The following UGT1A10 variants were observed in gnomAD, a reference collection of about 807,000 sequenced individuals.
UGT1A10 encodes the protein UDP glucuronosyltransferase family 1 member A10, also known as UDP-glucuronosyltransferase 1A10.
A neutral mutation model predicts 45.8 loss-of-function variants in UGT1A10; 49 were observed. The observed-to-expected ratio is 1.07, with a 90% CI of 0.85 to 1.36. The LOEUF (loss-of-function observed/expected upper bound fraction) is 1.36, where lower values mean the gene tolerates loss of function less well. Among genes scored for constraint, UGT1A10 ranks in the 40% most tolerant of loss-of-function variants. The pLI is 0.00. For missense variants in UGT1A10, 745 were observed against 668.6 expected (o/e 1.11, Z -1.26); for synonymous variants, 284 against 249.7 (o/e 1.14, Z -1.29).
intron 1 of UGT1A10, among the ~76,000 whole-genome samples, chr2:233,762,621 C>T (rs1374321731): frequency 6.6e-6 from 1 of 152,118 alleles, no homozygotes; most frequent in Non-Finnish European, 1.5e-5. Context: ...TTGTTGTGAC[C>T]TCAAACACTT....
chr2:233,655,939 A>G (rs996781894), intron 1 of UGT1A10, among the ~76,000 whole-genome samples: 1 of 152,140 alleles, frequency 6.6e-6, no homozygotes, highest in Non-Finnish European at 1.5e-5. Context: ...TTACAGAATT[A>G]TAAGTTTGGA....
intron 1 of UGT1A10, among the ~76,000 whole-genome samples, chr2:233,643,552 G>A (rs1213696712): frequency 2.0e-5 from 3 of 152,104 alleles, no homozygotes; most frequent in Non-Finnish European, 4.4e-5. Flanking sequence ...CCCTGCAGCA[G>A]TGTTGGTACC....
At chr2:233,679,313 C>G (rs1461081979) in intron 1 of UGT1A10, among the ~76,000 whole-genome samples, 1 of 152,196 alleles carries the variant, frequency 6.6e-6, no homozygotes, top group African/African-American at 2.4e-5. Flanking sequence ...TGGAACCAAT[C>G]CAGAAAACGC....
At chr2:233,736,528 A>T (rs895463431) in intron 1 of UGT1A10, among the ~76,000 whole-genome samples, 1 of 152,204 alleles carries the variant, frequency 6.6e-6, no homozygotes, top group African/African-American at 2.4e-5. Context: ...CGTCAAAGTC[A>T]TTCTCTTTCC....
chr2:233,692,922 T>G (rs1238598639), intron 1 of UGT1A10: 1 of 1,573,000 alleles, frequency 6.4e-7, no homozygotes, highest in Non-Finnish European at 8.6e-7. Context: ...AAGCAGTGGT[T>G]AGTTTAGGGA....
chr2:233,672,323 A>G (rs1230942420), intron 1 of UGT1A10: 1 of 1,614,100 alleles, frequency 6.2e-7, no homozygotes, highest in Non-Finnish European at 8.5e-7. Flanking sequence ...TTGTTTAAAG[A>G]CAAAAAATTA....
At chr2:233,717,333 C>A (rs1334785551) in intron 1 of UGT1A10, among the ~76,000 whole-genome samples, 1 of 152,204 alleles carries the variant, frequency 6.6e-6, no homozygotes, top group East Asian at 1.9e-4. Flanking sequence ...CCTCACAAAT[C>A]CCCAGAAATC....
chr2:233,713,467 C>G, intron 1 of UGT1A10: 1 of 1,614,058 alleles, frequency 6.2e-7, no homozygotes, highest in Non-Finnish European at 8.5e-7. Flanking sequence ...CTCTGCGCGG[C>G]GGTGCTGGCT....
At chr2:233,651,789 G>A (rs1454508160) in intron 1 of UGT1A10, among the ~76,000 whole-genome samples, 1 of 152,180 alleles carries the variant, frequency 6.6e-6, no homozygotes, top group Non-Finnish European at 1.5e-5. Context: ...GTGCCTGTGT[G>A]TGTCCACGCG....
chr2:233,729,776 C>T lies in UGT1A10; in HGVS notation c.856-37258C>T, dbSNP rs139850391. The T allele has an allele frequency of 1.9e-4, 310 of 1,613,846 alleles. 1 individual carries two copies. Among genetic ancestry groups the T allele is most frequent in the Non-Finnish European group, 2.3e-4 (267 of 1,179,864 alleles). ...CAAAGGGTCAAGAACATGCTCTACCCTCTGGCCCTGTCCTACATTTGCCAT... is the reference window on the plus strand; with the variant it reads ...CAAAGGGTCAAGAACATGCTCTACCTTCTGGCCCTGTCCTACATTTGCCAT... On this transcript the variant is annotated intron_variant, in intron 1 of 4. Transcript: ENST00000344644.
At chr2:233,684,194 T>C (rs2074666904) in intron 1 of UGT1A10, among the ~76,000 whole-genome samples, 1 of 152,190 alleles carries the variant, frequency 6.6e-6, no homozygotes, top group African/African-American at 2.4e-5. Context: ...AAAGAGTGAC[T>C]GTTCAACCAA....
intron 1 of UGT1A10, chr2:233,753,788 C>T (rs970692260): frequency 7.9e-5 from 12 of 152,166 alleles, no homozygotes; most frequent in Non-Finnish European, 1.8e-4. Context: ...CTTTACATTT[C>T]CAGGACCTAC....
intron 1 of UGT1A10, among the ~76,000 whole-genome samples, chr2:233,716,295 T>C (rs1461759627): frequency 1.3e-5 from 2 of 152,216 alleles, no homozygotes; most frequent in Non-Finnish European, 2.9e-5. Flanking sequence ...ATCACATCTA[T>C]AAAGTCTCTT....
rs143192680 is a variant in UGT1A10, at chr2:233,767,666, C to G, written c.988-183C>G. 1.9e-3 allele frequency among the ~76,000 whole-genome samples: 295 copies of G among 152,308 alleles called. 3 individuals carry two copies. The highest frequency in any genetic ancestry group is 0.013 in the Admixed American group (199 of 15,308). On this transcript the variant is annotated intron_variant, in intron 2 of 4. Coordinates refer to ENST00000344644, the MANE Select transcript of UGT1A10 (RefSeq NM_019075.4). ...TCACGTAGTGCATACACCCTTGTAA[C>G]TAAACCTCCAAAACAAGATGCCGGA...
At chr2:233,730,000 A>G (rs569428615) in intron 1 of UGT1A10, 10 of 1,614,004 alleles carry the variant, frequency 6.2e-6, no homozygotes, top group Admixed American at 3.3e-5. Context: ...TCAGGTCTGT[A>G]TTGGTGCCTT....
intron 1 of UGT1A10, among the ~76,000 whole-genome samples, chr2:233,667,683 A>T (rs951066584): frequency 2.0e-5 from 3 of 152,208 alleles, no homozygotes; most frequent in African/African-American, 7.2e-5. Context: ...ACAAATTTAC[A>T]AGAAAAAATC....
chr2:233,642,166 T>C (rs1321771707), intron 1 of UGT1A10, among the ~76,000 whole-genome samples: 2 of 152,238 alleles, frequency 1.3e-5, no homozygotes, highest in Non-Finnish European at 2.9e-5. Flanking sequence ...GAGGCTATTT[T>C]CTAGATCCTA....
chr2:233,721,816 C>T, intron 1 of UGT1A10: 1 of 516,128 alleles, frequency 1.9e-6, no homozygotes, highest in Non-Finnish European at 3.9e-6. Flanking sequence ...AAATCCAGCA[C>T]CCTATTTGGG....
chr2:233,637,248 T>G lies in UGT1A10; in HGVS notation c.726T>G (p.Tyr242Ter), dbSNP rs750470380. ...TTCTCCAAACCCCTGTCACGGCATATGATCTCTACAGTCACACATCAATTT... is the reference window on the plus strand; with the variant it reads ...TTCTCCAAACCCCTGTCACGGCATAGGATCTCTACAGTCACACATCAATTT... ...SEILQTPVTA[Y>*]DLYSHTSIWL... is the part of the protein sequence containing the mutation. The change falls in exon 1 of 5, where the codon TAT becomes TAG. Residue 242 changes from tyrosine (Y) to a stop codon, truncating the protein, a stop_gained. Transcript: ENST00000344644. LOFTEE classifies it high-confidence loss of function. 12 of 1,613,988 alleles carry G rather than the reference T, an allele frequency of 7.4e-6. No homozygotes were observed. Among genetic ancestry groups the G allele is most frequent in the Non-Finnish European group, 1.0e-5 (12 of 1,179,870 alleles).
Sources: allele counts gnomAD v4.1 joint callset (sites outside exome capture counted in the v4.1 genomes callset), GRCh38; gene constraint gnomAD v4.1.1; transcripts MANE v1.5; gene names NCBI Gene and HGNC (gene_info 2026-07-23, HGNC 2026-07-21).